PRKAR2A: variants seen among roughly 807,000 people sequenced by gnomAD.
The protein encoded by PRKAR2A is protein kinase cAMP-dependent type II regulatory subunit alpha.
In PRKAR2A, 29 loss-of-function variants were observed where a neutral mutation model predicts 51.9. The observed-to-expected ratio is 0.56, with a 90% confidence interval of 0.42 to 0.76. PRKAR2A has a LOEUF of 0.76. Among genes scored for constraint, PRKAR2A ranks in the 30% least tolerant of loss-of-function variants. The pLI, the probability that PRKAR2A is intolerant of heterozygous loss-of-function variation, is 0.00. For missense variants in PRKAR2A, 445 were observed against 512.1 expected (o/e 0.87, Z 1.26); for synonymous variants, 178 against 186.2 (o/e 0.96, Z 0.36).
Position 48,847,551 on chromosome 3 carries a change from C to A in PRKAR2A, c.46G>T (p.Gly16Cys). ...IPPGLTELLQ[G>C]YTVEVLRQQP... ...TGTCGCAGCACCTCCACCGTGTAGC[C>A]CTGCAGCAGCTCCGTGAGCCCCGGC... Residue 16 changes from glycine to cysteine, a missense_variant, in exon 1 of 11, where the codon GGC becomes TGC. Gly to Cys is a radical substitution (Grantham distance 159). Coordinates refer to ENST00000265563, the MANE Select transcript of PRKAR2A (RefSeq NM_004157.4). This position sits in a 1 kb window ranked among gnomAD's most constrained non-coding sequence, Gnocchi z 4.4. 1 of 1,564,956 alleles carries A rather than the reference C, an allele frequency of 6.4e-7. No homozygotes were observed. The highest frequency in any genetic ancestry group is 2.3e-5 in the East Asian group (1 of 42,676).
At chr3:48,837,081 T>A (rs770689696) in intron 1 of PRKAR2A, among the ~76,000 whole-genome samples, 5 of 151,968 alleles carry the variant, frequency 3.3e-5, no homozygotes, top group Non-Finnish European at 1.5e-5. Context: ...TGAGCTATGA[T>A]TGCACCACTA....
intron 1 of PRKAR2A, among the ~76,000 whole-genome samples, chr3:48,843,669 A>G (rs2083414414): frequency 1.3e-5 from 2 of 152,198 alleles, no homozygotes; most frequent in South Asian, 4.1e-4. Flanking sequence ...CAGAGCCCTC[A>G]GAAATAACTC....
chr3:48,807,031 A>G (rs971596746), intron 2 of PRKAR2A, among the ~76,000 whole-genome samples: 1 of 152,148 alleles, frequency 6.6e-6, no homozygotes, highest in African/African-American at 2.4e-5. Flanking sequence ...AAGACCTCCC[A>G]AAGTACTGGG....
chr3:48,771,908 G>C (rs1478531558), intron 6 of PRKAR2A, among the ~76,000 whole-genome samples: 1 of 152,066 alleles, frequency 6.6e-6, no homozygotes, highest in South Asian at 2.1e-4. Flanking sequence ...GACACTAGCT[G>C]ATTTTCTGTT....
chr3:48,790,282 T>C (rs1304805747), intron 4 of PRKAR2A, among the ~76,000 whole-genome samples: 1 of 152,130 alleles, frequency 6.6e-6, no homozygotes, highest in Non-Finnish European at 1.5e-5. Flanking sequence ...TTTAGTATTT[T>C]TGGACTGTCA....
rs367962244 is a variant in PRKAR2A at position 48,779,649 on chromosome 3, G to A, written c.542+3337C>T. Among the ~76,000 whole-genome samples, 17 of 151,372 alleles carry A rather than the reference G, an allele frequency of 1.1e-4. No individual in the cohort carries two copies. The East Asian group carries it at 2.6e-3, about 23-fold the overall frequency. ...ACAAAAATTAGCTGGGAGTGGTGGT[G>A]GGTGCCTGTAATCCCAGCTACTCAG... On this transcript the variant is annotated intron_variant, in intron 5 of 10. Transcript: ENST00000265563.
intron 3 of PRKAR2A, among the ~76,000 whole-genome samples, chr3:48,793,647 C>A (rs1166186932): frequency 2.6e-5 from 4 of 151,970 alleles, no homozygotes; most frequent in African/African-American, 7.2e-5. Flanking sequence ...GCACATGCCA[C>A]CAAACCAGCT....
intron 5 of PRKAR2A, among the ~76,000 whole-genome samples, chr3:48,779,186 C>T (rs1163461567): frequency 2.0e-5 from 3 of 151,922 alleles, no homozygotes; most frequent in African/African-American, 7.2e-5. Context: ...TTTTGAACTC[C>T]TGGGCTCAGA....
At chr3:48,773,339 CTTTTTTTT>C (rs34140561) in intron 5 of PRKAR2A, among the ~76,000 whole-genome samples, 5 of 87,660 alleles carry the variant, frequency 5.7e-5, no homozygotes, top group Admixed American at 1.6e-4. Context: ...ATTTTCTTTT[CTTTTTTTT>C]TTTTTTTTTT....
intron 5 of PRKAR2A, among the ~76,000 whole-genome samples, chr3:48,779,135 T>C (rs1346245638): frequency 2.6e-5 from 4 of 152,022 alleles, no homozygotes; most frequent in Non-Finnish European, 5.9e-5. Flanking sequence ...CCTAAAAAAA[T>C]GTTTTGTAAA....
chr3:48,785,915 T>C (rs558464001), intron 4 of PRKAR2A, among the ~76,000 whole-genome samples: 1 of 152,310 alleles, frequency 6.6e-6, no homozygotes, highest in East Asian at 1.9e-4. Context: ...ATGTTATTAT[T>C]CTTTTGAATT....
intron 2 of PRKAR2A, among the ~76,000 whole-genome samples, chr3:48,801,396 G>A (rs989683641): frequency 7.3e-5 from 11 of 151,682 alleles, no homozygotes; most frequent in African/African-American, 1.2e-4. Context: ...CAGGTGATCC[G>A]CACACCTCAG....
At chr3:48,794,105 G>C (rs1277825027) in intron 2 of PRKAR2A, 56 bp from the exon 3 acceptor site, 2 of 1,315,000 alleles carry the variant, frequency 1.5e-6, no homozygotes, top group Non-Finnish European at 2.1e-6. Flanking sequence ...TGTGGCTTTA[G>C]GAAAAATAGG....
chr3:48,752,288 C>T lies in PRKAR2A; in HGVS notation c.969G>A (p.Gln323=). Residue 323 remains glutamine, a synonymous_variant, in exon 10 of 11, where the codon CAG becomes CAA. Transcript: ENST00000265563. The stretch of plus-strand genomic sequence containing the variant: ...TATGGCAGCGGGCAATCTCGACCTC[C>T]TGGTTCCCACCATCCTTGTTTGATT... The part of the protein sequence containing the change: ...RTKSNKDGGN[Q]EVEIARCHKG... 1 of 1,614,068 alleles carries T rather than the reference C, an allele frequency of 6.2e-7. No homozygotes were observed. Among genetic ancestry groups the T allele is most frequent in the South Asian group, 1.1e-5 (1 of 91,064 alleles).
chr3:48,825,931 T>C (rs2083055936), intron 1 of PRKAR2A, among the ~76,000 whole-genome samples: 1 of 152,148 alleles, frequency 6.6e-6, no homozygotes, highest in Non-Finnish European at 1.5e-5. Context: ...CAGATGGTAG[T>C]TATACTTTGG....
intron 5 of PRKAR2A, among the ~76,000 whole-genome samples, chr3:48,781,325 A>G (rs1212669909): frequency 6.7e-6 from 1 of 149,308 alleles, no homozygotes; most frequent in Non-Finnish European, 1.5e-5. Flanking sequence ...TAGAACGCTA[A>G]CCTAGGGAAC....
chr3:48,784,161 C>T (rs1049672859), intron 4 of PRKAR2A, among the ~76,000 whole-genome samples: 3 of 152,022 alleles, frequency 2.0e-5, no homozygotes, highest in African/African-American at 7.2e-5. Context: ...AGTCTGGGGC[C>T]AGCATCCCTG....
At position 48,847,818 on chromosome 3, in the gene PRKAR2A, C is replaced by A. The variant is rs2083496459; in HGVS notation, c.-222G>T. On this transcript the variant is annotated 5_prime_UTR_variant, in exon 1 of 11. Transcript: ENST00000265563. The surrounding 1 kb of genome is among the most constrained non-coding windows in gnomAD (Gnocchi z 4.4). The stretch of plus-strand genomic sequence containing the variant: ...GCCGCTGTCACTGGGCAGCCGCCGC[C>A]GCCGCGGGGACCGACGGGCAGGCGA... 2 of 408,486 alleles carry A rather than the reference C, an allele frequency of 4.9e-6. No homozygotes were observed. The highest frequency in any genetic ancestry group is 2.1e-5 in the African/African-American group (1 of 48,200). The allele number at this position is 408,486 out of a possible 1,614,324, so 25.3% of individuals were successfully genotyped here.
intron 1 of PRKAR2A, among the ~76,000 whole-genome samples, chr3:48,835,246 C>T (rs1417746032): frequency 6.6e-6 from 1 of 151,278 alleles, no homozygotes; most frequent in Non-Finnish European, 1.5e-5. Context: ...GCTGGGATTA[C>T]AGGCGTGAGC....
Sources: gnomAD v4.1 joint callset for allele counts (sites outside exome capture counted in the v4.1 genomes callset) on GRCh38, gnomAD v4.1.1 for gene constraint, Gnocchi (gnomAD v3.1) non-coding constraint, MANE v1.5 for transcripts, NCBI Gene and HGNC (gene_info 2026-07-23, HGNC 2026-07-21) for gene names.